Variants in CARD14 observed in about 807,000 individuals in gnomAD.
The protein encoded by CARD14 is caspase recruitment domain-containing protein 14.
A neutral mutation model predicts 111.5 loss-of-function variants in CARD14; 107 were observed. That is an observed-to-expected ratio of 0.96 (90% confidence interval 0.82 to 1.13). The LOEUF is 1.13. Among genes scored for constraint, CARD14 ranks in the 50% most tolerant of loss-of-function variants. The probability of loss-of-function intolerance (pLI) is 0.00; values close to 1 mark genes in which losing one functional copy is unlikely to be tolerated. For synonymous variants in CARD14, 617 were observed against 579.6 expected (o/e 1.06, Z -0.93); for missense variants, 1,322 against 1,362.3 (o/e 0.97, Z 0.47).
At chr17:80,192,009 A>T (rs1353173626) in intron 11 of CARD14, among the ~76,000 whole-genome samples, 1 of 152,132 alleles carries the variant, frequency 6.6e-6, no homozygotes, top group African/African-American at 2.4e-5. Context: ...CGCATGCGGA[A>T]CCCACCCGGC....
rs375757170 is a variant in CARD14 at position 80,204,370 on chromosome 17, C to T, written c.2398+29C>T. ...AGGCCTGGTGAGCTGGCACAGGGGC[C>T]ACTGGCTCCAAGTGGGTGAGGGGCT... On this transcript the variant is annotated intron_variant, in intron 20 of 23. Transcript: ENST00000648509. The T allele has an allele frequency of 5.6e-5, 85 of 1,524,320 alleles. No homozygotes were observed. The East Asian group carries it at 1.3e-3, about 24-fold the overall frequency. 94.4% of individuals were successfully genotyped at this position (1,524,320 alleles called of 1,614,324 possible).
intron 22 of CARD14, 22 bp from the exon 23 acceptor site, chr17:80,206,948 T>G (rs1423610416): frequency 3.2e-6 from 5 of 1,581,596 alleles, no homozygotes; most frequent in Non-Finnish European, 3.5e-6. Flanking sequence ...CTTGACTCAC[T>G]TCTTCTCTCC....
rs756997770 is a variant in CARD14 at position 80,201,903 on chromosome 17, G to A, written c.1978+33G>A. Reference sequence around the variant, plus strand: ...TACCACTCCTCTCGTGTGCACAGCTGCCTGGCCAGACTCCATGACCCTTAA... The same window carrying A: ...TACCACTCCTCTCGTGTGCACAGCTACCTGGCCAGACTCCATGACCCTTAA... On this transcript the variant is annotated intron_variant, in intron 17 of 23. Transcript: ENST00000648509. This position sits in a 1 kb window ranked among gnomAD's most constrained non-coding sequence, Gnocchi z 5.0. The A allele has an allele frequency of 6.3e-7, 1 of 1,583,196 alleles. No individual in the cohort carries two copies. The highest frequency in any genetic ancestry group is 1.2e-5 in the South Asian group (1 of 86,498).
intron 2 of CARD14, among the ~76,000 whole-genome samples, chr17:80,173,786 A>G (rs2039964637): frequency 6.6e-6 from 1 of 152,120 alleles, no homozygotes; most frequent in Admixed American, 6.6e-5. Context: ...TTTAGTACAG[A>G]TGGGGTTTCA....
chr17:80,177,987 G>A (rs908044260), intron 2 of CARD14, among the ~76,000 whole-genome samples: 4 of 152,264 alleles, frequency 2.6e-5, no homozygotes, highest in Admixed American at 6.5e-5. Flanking sequence ...TTCTTTTGCG[G>A]GGGGCCACAA....
At chr17:80,172,292 T>C (rs1370181402) in intron 1 of CARD14, among the ~76,000 whole-genome samples, 1 of 152,234 alleles carries the variant, frequency 6.6e-6, no homozygotes, top group Non-Finnish European at 1.5e-5. Context: ...CGAATGCCTA[T>C]TGAAGTAGAT....
At chr17:80,205,281 C>T in intron 21 of CARD14, 76 bp downstream of exon 21, 6 of 1,261,828 alleles carry the variant, frequency 4.8e-6, no homozygotes, top group Non-Finnish European at 5.6e-6. Flanking sequence ...CCTCCTTCCT[C>T]CCCTTCCTCC....
intron 2 of CARD14, among the ~76,000 whole-genome samples, chr17:80,178,260 A>C (rs1266318373): frequency 6.6e-6 from 1 of 152,164 alleles, no homozygotes; most frequent in South Asian, 2.1e-4. Flanking sequence ...TGCGCCTGTC[A>C]ACTCTCCTTG....
At chr17:80,199,356 T>C (rs1315673694) in intron 16 of CARD14, among the ~76,000 whole-genome samples, 2 of 150,410 alleles carry the variant, frequency 1.3e-5, no homozygotes, top group Non-Finnish European at 3.0e-5. Flanking sequence ...GGTGTGGTGG[T>C]GGGCGCCTGC....
rs1382077962 is a variant in CARD14 at position 80,190,796 on chromosome 17, C to T, written c.986C>T (p.Thr329Ile). Residue 329 changes from threonine to isoleucine, a missense_variant, in exon 10 of 24, where the codon ACC becomes ATC. Coordinates refer to ENST00000648509, the MANE Select transcript of CARD14 (RefSeq NM_001366385.1). ...CAGTACTGGGAAGAGAAGGAACAGA[C>T]CCTGCTGCAGTTCCAGAAGAGTAAG... ...REQYWEEKEQ[T>I]LLQFQKSKMA... 6.2e-7 allele frequency: 1 copy of T among 1,614,146 alleles called. No individual in the cohort carries two copies. The highest frequency in any genetic ancestry group is 2.2e-5 in the East Asian group (1 of 44,870).
At chr17:80,184,493 G>A (rs117087009) in intron 7 of CARD14, among the ~76,000 whole-genome samples, 2 of 152,346 alleles carry the variant, frequency 1.3e-5, no homozygotes, top group South Asian at 4.1e-4. Context: ...TGGCTGGCTT[G>A]TCTGTGAACT....
Position 80,188,244 on chromosome 17 carries a change from T to C in CARD14, c.676-133T>C. ...TCATTAGGTGAACCCTTTCGTGGGT[T>C]TTTCAGTCTCGAGGCAGGAAGCCCC... On this transcript the variant is annotated intron_variant, in intron 7 of 23. Transcript: ENST00000648509. The surrounding 1 kb of genome is among the most constrained non-coding windows in gnomAD (Gnocchi z 4.5). The C allele has an allele frequency of 1.1e-6, 1 of 945,610 alleles. No homozygotes were observed. The allele number at this position is 945,610 out of a possible 1,614,324, so 58.6% of individuals were successfully genotyped here.
chr17:80,204,896 C>A, intron 20 of CARD14, 139 bp from the exon 21 acceptor site: 1 of 710,674 alleles, frequency 1.4e-6, no homozygotes, highest in Non-Finnish European at 2.3e-6. Flanking sequence ...AGTCCTGTGA[C>A]CGCTGAGCCT....
rs1255334150 is a variant in CARD14 at position 80,184,233 on chromosome 17, G to A, written c.670G>A (p.Glu224Lys). The stretch of plus-strand genomic sequence containing the variant: ...CGCCTCACGCTGCCGCAGCCTGCAG[G>A]AGGAGGTAGGGGGACACCCTGCACC... Reference protein sequence around the residue: ...LAASRCRSLQEELYLLKQELQ... With the variant: ...LAASRCRSLQKELYLLKQELQ... Residue 224 changes from glutamate to lysine, a missense_variant, in exon 7 of 24, where the codon GAG becomes AAG. Physicochemically the swap from Glu to Lys is moderately conservative, Grantham distance 56. Coordinates refer to ENST00000648509, the MANE Select transcript of CARD14 (RefSeq NM_001366385.1). 3.3e-6 allele frequency: 5 copies of A among 1,526,204 alleles called. No individual in the cohort carries two copies. The East Asian group carries it at 1.2e-4, about 37-fold the overall frequency. The allele number at this position is 1,526,204 out of a possible 1,614,324, so 94.5% of individuals were successfully genotyped here.
At chr17:80,205,809 T>G in intron 22 of CARD14, 157 bp downstream of exon 22, 1 of 651,614 alleles carries the variant, frequency 1.5e-6, no homozygotes, top group Non-Finnish European at 2.5e-6. Context: ...AGCCCAAAAC[T>G]CATCTCAGCC....
At chr17:80,205,338 G>C in intron 21 of CARD14, 133 bp downstream of exon 21, 1 of 1,159,378 alleles carries the variant, frequency 8.6e-7, no homozygotes, top group Non-Finnish European at 1.2e-6. Flanking sequence ...CTCACCTGCT[G>C]TGTCCAGATA....
At chr17:80,207,175 G>A (rs549912317) in intron 23 of CARD14, 90 bp downstream of exon 23, 315 of 868,548 alleles carry the variant, frequency 3.6e-4, no homozygotes, top group Admixed American at 1.8e-3. Context: ...AGTGTGCTCT[G>A]CGGTTTGCAG....
intron 12 of CARD14, among the ~76,000 whole-genome samples, chr17:80,193,522 C>T (rs1003596402): frequency 6.6e-6 from 1 of 152,182 alleles, no homozygotes; most frequent in Non-Finnish European, 1.5e-5. Flanking sequence ...CCATAGTGGG[C>T]ATGTGGCATG....
Position 80,189,807 on chromosome 17 carries a change from G to T in CARD14, c.898G>T (p.Glu300Ter), listed in dbSNP as rs2144249046. Residue 300 changes from glutamate (E) to a stop codon, truncating the protein, a stop_gained, in exon 9 of 24, where the codon GAG becomes TAG. Coordinates refer to ENST00000648509, the MANE Select transcript of CARD14 (RefSeq NM_001366385.1). LOFTEE classifies it high-confidence loss of function. This position sits in a 1 kb window ranked among gnomAD's most constrained non-coding sequence, Gnocchi z 4.7. ...GGACGAGGCGCGGGGGAGCCGACAGGAGCTGGTGGAGCGCATCCACTCGCT... is the reference window on the plus strand; with the variant it reads ...GGACGAGGCGCGGGGGAGCCGACAGTAGCTGGTGGAGCGCATCCACTCGCT... ...SLDEARGSRQ[E>*]LVERIHSLRE... 1 of 1,584,120 alleles carries T rather than the reference G, an allele frequency of 6.3e-7. No homozygotes were observed. Among genetic ancestry groups the T allele is most frequent in the Non-Finnish European group, 8.5e-7 (1 of 1,170,146 alleles).
Sources: allele counts gnomAD v4.1 joint callset (sites outside exome capture counted in the v4.1 genomes callset), GRCh38; gene constraint gnomAD v4.1.1; non-coding constraint Gnocchi (gnomAD v3.1); transcripts MANE v1.5; gene names NCBI Gene and HGNC (gene_info 2026-07-23, HGNC 2026-07-21).